The following DDX11 variants were observed in gnomAD, a reference collection of about 807,000 sequenced individuals.
DDX11 encodes ATP-dependent DNA helicase DDX11.
Under a neutral mutation model 125.2 loss-of-function variants are expected in DDX11, and 72 were observed. The ratio of observed to expected loss-of-function variants is 0.58; its 90% CI spans 0.48 to 0.70. The LOEUF is 0.70. DDX11 is among the 30% of genes least tolerant of loss of function. The pLI is 0.00. For synonymous variants in DDX11, 347 were observed against 452.6 expected, an observed-to-expected ratio of 0.77 and a Z score of 2.96; for missense variants, 883 against 1,165.0, an observed-to-expected ratio of 0.76 and a Z score of 3.52.
Position 31,078,376 on chromosome 12 carries a change from T to C in DDX11, c.-4-14T>C. On this transcript the variant is annotated splice_polypyrimidine_tract_variant and intron_variant, in intron 1 of 26. Transcript: ENST00000542838. ...CATGAGAGAGCTCCCTAATGTTGTA[T>C]TTATTTTTCCTAGGTCCATGGCTAA... is the stretch of plus-strand genomic sequence containing the variant. The C allele has an allele frequency of 6.2e-7, 1 of 1,607,508 alleles. No homozygotes were observed. The highest frequency in any genetic ancestry group is 1.1e-5 in the South Asian group (1 of 89,932).
At chr12:31,088,013 G>A in intron 6 of DDX11, 30 bp downstream of exon 6, 1 of 1,607,388 alleles carries the variant, frequency 6.2e-7, no homozygotes. Context: ...CTGGTGCTGT[G>A]CTGGGGGTAT....
chr12:31,083,939 T>A lies in DDX11; in HGVS notation c.271T>A (p.Ser91Thr). 1 of 1,589,104 alleles carries A rather than the reference T, an allele frequency of 6.3e-7. No individual in the cohort carries two copies. The highest frequency in any genetic ancestry group is 8.6e-7 in the Non-Finnish European group (1 of 1,157,184). ...TGPLHDEKDE[S>T]LCLSSSCEGA... is the part of the protein sequence containing the mutation. ...CCCCTTACATGATGAGAAAGATGAA[T>A]CCCTGTGTCTGTCTTCTTCCTGCGA... Residue 91 changes from serine to threonine, a missense_variant, in exon 3 of 27, where the codon TCC (serine) becomes ACC (threonine). By Grantham distance (58) the Ser-to-Thr change is moderately conservative (BLOSUM62 1). Transcript: ENST00000542838.
chr12:31,089,299 C>T, intron 7 of DDX11, 104 bp from the exon 8 acceptor site: 5 of 1,430,272 alleles, frequency 3.5e-6, no homozygotes, highest in Non-Finnish European at 4.9e-6. Flanking sequence ...GCCGGCCCAG[C>T]ACTGGAAGGC....
intron 10 of DDX11, 39 bp from the exon 11 acceptor site, chr12:31,092,807 A>C: frequency 1.3e-6 from 2 of 1,592,644 alleles, no homozygotes; most frequent in Non-Finnish European, 1.7e-6. Context: ...CTTAGCCCTC[A>C]GCTGCTTGCT....
chr12:31,093,607 C>T, intron 12 of DDX11: 1 of 419,182 alleles, frequency 2.4e-6, no homozygotes, highest in South Asian at 2.0e-5. Context: ...GTCCCAGCTG[C>T]TCCAGAGGCT....
At chr12:31,078,201 T>G (rs1416098702) in intron 1 of DDX11, 189 bp from the exon 2 acceptor site, 1 of 1,526,788 alleles carries the variant, frequency 6.5e-7, no homozygotes, top group South Asian at 1.2e-5. Flanking sequence ...CTAGATGGAG[T>G]GCGTGATTCT....
intron 8 of DDX11, 148 bp from the exon 9 acceptor site, chr12:31,089,738 C>A: frequency 2.1e-6 from 3 of 1,432,364 alleles, no homozygotes; most frequent in South Asian, 2.5e-5. Context: ...TTACAGTGTT[C>A]CGATGAGACC....
chr12:31,079,902 CCCTCCTGGAAT>C (rs1214078089), intron 2 of DDX11, among the ~76,000 whole-genome samples: 1 of 151,746 alleles, frequency 6.6e-6, no homozygotes, highest in African/African-American at 2.4e-5. Context: ...TACCTTGGAG[CCCTCCTGGAAT>C]CCTCCATCCT....
intron 1 of DDX11, among the ~76,000 whole-genome samples, chr12:31,075,608 TA>T (rs1940589190): frequency 6.6e-6 from 1 of 152,146 alleles, no homozygotes; most frequent in Non-Finnish European, 1.5e-5. Flanking sequence ...GCCATTTAAC[TA>T]ATAGGTATTC....
At position 31,104,264 on chromosome 12, in the gene DDX11, T is replaced by C; in HGVS notation, c.*428T>C. On this transcript the variant is annotated 3_prime_UTR_variant, in exon 27 of 27. Transcript: ENST00000542838. ...TTTCTAGCCAAGGTTATAGCTGCCC[T>C]GGACTGCTCACTCTCTGGTCTCAAT... 1 of 643,872 alleles carries C rather than the reference T, an allele frequency of 1.6e-6. No individual in the cohort carries two copies. The allele number at this position is 643,872 out of a possible 1,614,324, so 39.9% of individuals were successfully genotyped here.
chr12:31,103,384 A>T lies in DDX11; in HGVS notation c.2525A>T (p.Asn842Ile), dbSNP rs779379970. Residue 842 changes from asparagine (N) to isoleucine (I), a missense_variant, in exon 25 of 27, where the codon AAC becomes ATC. Transcript: ENST00000542838. ...GAGAACCTGTGCATGAAGGCCGTCA[A>T]CCAGTCCATAGGTGAGCCTGGCTGC... ...LVENLCMKAVNQSIGRAIRHQ... is the reference protein window; with the variant it reads ...LVENLCMKAVIQSIGRAIRHQ... The T allele has an allele frequency of 6.2e-7, 1 of 1,609,524 alleles. No individual in the cohort carries two copies.
intron 17 of DDX11, among the ~76,000 whole-genome samples, chr12:31,097,375 T>C (rs1945450676): frequency 6.6e-6 from 1 of 151,998 alleles, no homozygotes. Flanking sequence ...CTTCAGTTTC[T>C]TCATATGAAA....
intron 4 of DDX11, 72 bp from the exon 5 acceptor site, chr12:31,084,897 C>T (rs187403949): frequency 1.3e-6 from 2 of 1,542,118 alleles, no homozygotes; most frequent in East Asian, 2.4e-5. Flanking sequence ...TGCTTTGTCT[C>T]TGGCATGTGG....
In DDX11 at chr12:31,085,743, A is replaced by C. The variant is rs572615303; in HGVS notation, c.638+617A>C. 8.5e-5 allele frequency among the ~76,000 whole-genome samples: 13 copies of C among 152,328 alleles called. No individual in the cohort carries two copies. In the East Asian group the frequency reaches 2.3e-3, roughly 27 times the overall value. On this transcript the variant is annotated intron_variant, in intron 5 of 26. Transcript: ENST00000542838. Reference sequence around the variant, plus strand: ...CCACCATCCCTGAGTGTCTGCTCTGAGTATGGCACTGTCCAGATGCTGTGG... The same window carrying C: ...CCACCATCCCTGAGTGTCTGCTCTGCGTATGGCACTGTCCAGATGCTGTGG...
At chr12:31,095,840 G>A (rs1450465344) in intron 14 of DDX11, among the ~76,000 whole-genome samples, 1 of 152,098 alleles carries the variant, frequency 6.6e-6, no homozygotes, top group East Asian at 1.9e-4. Context: ...AATCCTCATC[G>A]AAGGACGTCG....
chr12:31,103,264 G>C, intron 24 of DDX11, 53 bp from the exon 25 acceptor site: 1 of 1,588,530 alleles, frequency 6.3e-7, no homozygotes, highest in Admixed American at 1.8e-5. Context: ...TCTTTTCCCA[G>C]GGGGAGCTGC....
chr12:31,100,434 T>G, intron 18 of DDX11: 1 of 524,078 alleles, frequency 1.9e-6, no homozygotes, highest in Non-Finnish European at 3.5e-6. Flanking sequence ...CCTTTGCTGT[T>G]CCTGCACATA....
At chr12:31,077,793 G>A (rs1247498729) in intron 1 of DDX11, among the ~76,000 whole-genome samples, 2 of 151,400 alleles carry the variant, frequency 1.3e-5, no homozygotes, top group Non-Finnish European at 2.9e-5. Flanking sequence ...GCAGTGAGCC[G>A]AGATTGCGCC....
chr12:31,085,060 A>T lies in DDX11; in HGVS notation c.572A>T (p.Glu191Val). 1 of 1,606,228 alleles carries T rather than the reference A, an allele frequency of 6.2e-7. No homozygotes were observed. Among genetic ancestry groups the T allele is most frequent in the Non-Finnish European group, 8.5e-7 (1 of 1,176,136 alleles). ...GAGGCTGAGCGGCTGGAGCAGCTGG[A>T]GTCTGGGGAGGAGGAGCTGGTCCTC... ...GPEAERLEQL[E>V]SGEEELVLAE... is the part of the protein sequence containing the mutation. Residue 191 changes from glutamate (E) to valine (V), a missense_variant, in exon 5 of 27, where the codon GAG becomes GTG. This residue lies in a region of DDX11 where 283 missense variants were observed against 359.6 expected (regional missense o/e 0.79). Coordinates refer to ENST00000542838, the MANE Select transcript of DDX11 (RefSeq NM_030653.4).
Sources: gnomAD v4.1 joint callset for allele counts (sites outside exome capture counted in the v4.1 genomes callset) on GRCh38, gnomAD v4.1.1 for gene constraint, gnomAD v4.1.1 regional missense constraint, MANE v1.5 for transcripts, NCBI Gene and HGNC (gene_info 2026-07-23, HGNC 2026-07-21) for gene names.